The following ARHGAP10 variants were observed in gnomAD, a reference collection of about 807,000 sequenced individuals.
ARHGAP10 encodes rho GTPase-activating protein 10.
In ARHGAP10, 87 loss-of-function variants were observed where a neutral mutation model predicts 108.6. The observed-to-expected ratio is 0.80, with a 90% CI of 0.67 to 0.96. The LOEUF is 0.96. Among genes scored for constraint, ARHGAP10 ranks in the 40% least tolerant of loss-of-function variants. The probability of loss-of-function intolerance (pLI) is 0.00; values close to 1 mark genes in which losing one functional copy is unlikely to be tolerated. For missense variants in ARHGAP10, 939 were observed against 954.5 expected (o/e 0.98, Z 0.21); for synonymous variants, 347 against 341.1 (o/e 1.02, Z -0.19).
intron 1 of ARHGAP10, among the ~76,000 whole-genome samples, chr4:147,794,437 A>G (rs1035771939): frequency 2.0e-5 from 3 of 152,194 alleles, no homozygotes; most frequent in Non-Finnish European, 4.4e-5. Context: ...TACCACATAT[A>G]TATGTGCACT....
intron 1 of ARHGAP10, among the ~76,000 whole-genome samples, chr4:147,768,299 A>G (rs1473844080): frequency 6.6e-6 from 1 of 152,204 alleles, no homozygotes; most frequent in East Asian, 1.9e-4. Context: ...TCATGGAGCT[A>G]TCTGAGGATG....
rs765372428 is a variant in ARHGAP10, at chr4:148,064,396, T to C, written c.2181-20T>C. Reference sequence around the variant, plus strand: ...TTTCCACATTTTCATTGGTGTCTTTTGTATTCTCTTTCTTTTCAGCATCCG... The same window carrying C: ...TTTCCACATTTTCATTGGTGTCTTTCGTATTCTCTTTCTTTTCAGCATCCG... On this transcript the variant is annotated intron_variant, in intron 21 of 22. Coordinates refer to ENST00000336498, the MANE Select transcript of ARHGAP10 (RefSeq NM_024605.4). 6.2e-6 allele frequency: 10 copies of C among 1,610,864 alleles called. No individual in the cohort carries two copies. Among genetic ancestry groups the C allele is most frequent in the Non-Finnish European group, 7.6e-6 (9 of 1,178,024 alleles).
In ARHGAP10 at chr4:147,791,112, C is replaced by CTT. The variant is rs368304720; in HGVS notation, c.155-31599_155-31598dup. Among the ~76,000 whole-genome samples, 566 of 134,226 alleles carry CTT rather than the reference C, an allele frequency of 4.2e-3. 8 individuals carry two copies. The highest frequency in any genetic ancestry group is 0.014 in the African/African-American group (524 of 36,652). The allele number at this position is 134,226 out of a possible 152,430, so 88.1% of individuals were successfully genotyped here. On this transcript the variant is annotated intron_variant, in intron 1 of 22. Transcript: ENST00000336498. ...AACAGCAAACTGTACATATTCTTTACTTTTTTTTTTTTTTTTTGAGACAGA... is the reference window on the plus strand; with the variant it reads ...AACAGCAAACTGTACATATTCTTTACTTTTTTTTTTTTTTTTTTTGAGACAGA...
chr4:148,015,888 G>T (rs1741326608), intron 18 of ARHGAP10, among the ~76,000 whole-genome samples: 1 of 152,192 alleles, frequency 6.6e-6, no homozygotes. Flanking sequence ...ATTTCTAGCT[G>T]TCTTCTGGAA....
intron 1 of ARHGAP10, among the ~76,000 whole-genome samples, chr4:147,798,802 TATATATATATATATAG>T (rs1560764935): frequency 8.4e-5 from 11 of 131,500 alleles, no homozygotes; most frequent in African/African-American, 1.2e-4. Flanking sequence ...TATATATATA[TATATATATATATATAG>T]ACTTTTTACC....
rs948330740 is a variant in ARHGAP10, at chr4:147,866,654, A to G, written c.598-58A>G. Reference sequence around the variant, plus strand: ...GGGGGAACACTTGGTTGTTTATATGATTCTTTTTTTCTCCTGAGTTTTTTT... The same window carrying G: ...GGGGGAACACTTGGTTGTTTATATGGTTCTTTTTTTCTCCTGAGTTTTTTT... On this transcript the variant is annotated intron_variant, in intron 6 of 22. Transcript: ENST00000336498. 278 of 1,283,108 alleles carry G rather than the reference A, an allele frequency of 2.2e-4. 1 individual carries two copies. The highest frequency in any genetic ancestry group is 1.1e-4 in the Non-Finnish European group (99 of 892,948). 79.5% of individuals were successfully genotyped at this position (1,283,108 alleles called of 1,614,324 possible). A position where few individuals can be genotyped will look rare whatever the true frequency, so the allele number is the denominator to read the frequency against.
At chr4:148,012,481 A>G (rs1308901590) in intron 18 of ARHGAP10, among the ~76,000 whole-genome samples, 2 of 152,238 alleles carry the variant, frequency 1.3e-5, no homozygotes, top group African/African-American at 2.4e-5. Flanking sequence ...TGACCTCCAC[A>G]TAGACTTAAG....
chr4:147,971,332 C>T (rs935461359), intron 18 of ARHGAP10, among the ~76,000 whole-genome samples: 13 of 151,974 alleles, frequency 8.6e-5, no homozygotes, highest in African/African-American at 3.1e-4. Context: ...TGCTGTGAGT[C>T]ATTCATGGTG....
At chr4:147,923,909 T>C (rs1737345881) in intron 13 of ARHGAP10, among the ~76,000 whole-genome samples, 1 of 152,194 alleles carries the variant, frequency 6.6e-6, no homozygotes, top group African/African-American at 2.4e-5. Flanking sequence ...TAATTTTAAA[T>C]TGCCAAGGGC....
At chr4:147,777,966 GTTACTGTTCATTAGTCTA>G (rs1397776592) in intron 1 of ARHGAP10, among the ~76,000 whole-genome samples, 1 of 152,136 alleles carries the variant, frequency 6.6e-6, no homozygotes, top group African/African-American at 2.4e-5. Context: ...CCAGTGTGTA[GTTACTGTTCATTAGTCTA>G]TGCATGGCAC....
chr4:147,851,883 A>G (rs982563410), intron 4 of ARHGAP10, among the ~76,000 whole-genome samples: 1 of 152,152 alleles, frequency 6.6e-6, no homozygotes, highest in African/African-American at 2.4e-5. Context: ...AGCACCAGAA[A>G]GTCTTTCAGG....
intron 14 of ARHGAP10, among the ~76,000 whole-genome samples, chr4:147,941,271 G>GA (rs1426542350): frequency 6.6e-6 from 1 of 152,140 alleles, no homozygotes; most frequent in Non-Finnish European, 1.5e-5. Context: ...CCTGTTCAAG[G>GA]AAAGTTTGAA....
At chr4:147,856,312 T>A (rs893189556) in intron 4 of ARHGAP10, among the ~76,000 whole-genome samples, 1 of 152,220 alleles carries the variant, frequency 6.6e-6, no homozygotes, top group Non-Finnish European at 1.5e-5. Context: ...TACTGGTATA[T>A]CAATATTATT....
intron 13 of ARHGAP10, among the ~76,000 whole-genome samples, chr4:147,929,799 GA>G (rs1676656591): frequency 1.3e-5 from 2 of 151,998 alleles, no homozygotes; most frequent in African/African-American, 2.4e-5. Context: ...AATTATATAT[GA>G]AAATATATAC....
intron 1 of ARHGAP10, among the ~76,000 whole-genome samples, chr4:147,764,413 G>A (rs1729710636): frequency 6.6e-6 from 1 of 151,844 alleles, no homozygotes; most frequent in Non-Finnish European, 1.5e-5. Context: ...GGAAGTGCCT[G>A]TTCTGTGGGA....
At chr4:147,737,789 A>G (rs1728480871) in intron 1 of ARHGAP10, among the ~76,000 whole-genome samples, 1 of 152,198 alleles carries the variant, frequency 6.6e-6, no homozygotes, top group Non-Finnish European at 1.5e-5. Context: ...GACAGGCTTG[A>G]AAAGCTTGAA....
chr4:148,007,348 T>C (rs1377006336), intron 18 of ARHGAP10, among the ~76,000 whole-genome samples: 1 of 152,148 alleles, frequency 6.6e-6, no homozygotes, highest in South Asian at 2.1e-4. Flanking sequence ...ACTCTGTGGA[T>C]GTCATCAGGG....
chr4:147,895,207 CATG>C (rs1018995412), intron 10 of ARHGAP10, among the ~76,000 whole-genome samples: 1 of 151,816 alleles, frequency 6.6e-6, no homozygotes, highest in African/African-American at 2.4e-5. Context: ...TATGTTTCTG[CATG>C]ATAATTTAAA....
At chr4:147,998,948 A>AGG in intron 18 of ARHGAP10, among the ~76,000 whole-genome samples, 1 of 152,324 alleles carries the variant, frequency 6.6e-6, no homozygotes, top group Admixed American at 6.5e-5. Context: ...GAGAGAAGAG[A>AGG]GGGAAACGAG....
Sources: gnomAD v4.1 joint callset for allele counts (sites outside exome capture counted in the v4.1 genomes callset) on GRCh38, gnomAD v4.1.1 for gene constraint, MANE v1.5 for transcripts, NCBI Gene and HGNC (gene_info 2026-07-23, HGNC 2026-07-21) for gene names.